The following VWA8 variants were observed in gnomAD, a reference collection of about 807,000 sequenced individuals.
The protein encoded by VWA8 is von Willebrand factor A domain containing 8.
VWA8 carries 221 observed loss-of-function variants against 241.5 expected under a neutral mutation model. That is an observed-to-expected ratio of 0.91 (90% confidence interval 0.82 to 1.02). The LOEUF is 1.02. Ranked by LOEUF, VWA8 falls within the 50% of genes least tolerant of loss-of-function variation. The pLI is 0.00. For missense variants in VWA8, 2,322 were observed against 2,328.7 expected, an observed-to-expected ratio of 1.00 and a Z score of 0.06; for synonymous variants, 852 against 827.1, an observed-to-expected ratio of 1.03 and a Z score of -0.52.
chr13:41,643,559 A>G (rs531815325), intron 37 of VWA8, among the ~76,000 whole-genome samples: 2 of 152,194 alleles, frequency 1.3e-5, no homozygotes, highest in African/African-American at 2.4e-5. Context: ...ACTTTCCACT[A>G]TTAACAGGGC....
chr13:41,654,370 CATCATGTGTCACCTAGT>C (rs772082078), intron 37 of VWA8, among the ~76,000 whole-genome samples: 6 of 152,182 alleles, frequency 3.9e-5, no homozygotes, highest in Non-Finnish European at 7.3e-5. Flanking sequence ...GACAAATTGA[CATCATGTGTCACCTAGT>C]AGAGCAGTCC....
At chr13:41,768,429 G>A (rs946609756) in intron 20 of VWA8, among the ~76,000 whole-genome samples, 4 of 152,070 alleles carry the variant, frequency 2.6e-5, no homozygotes, top group African/African-American at 9.7e-5. Flanking sequence ...TCTATCAGGA[G>A]AAAAATAGAA....
chr13:41,837,089 A>T (rs1413932541), intron 12 of VWA8, among the ~76,000 whole-genome samples: 4 of 151,554 alleles, frequency 2.6e-5, no homozygotes, highest in Middle Eastern at 3.2e-3. Context: ...AGAGATTTTT[A>T]AAAAATATTT....
intron 17 of VWA8, among the ~76,000 whole-genome samples, chr13:41,791,902 A>G (rs891838314): frequency 1.3e-5 from 2 of 151,842 alleles, no homozygotes; most frequent in Non-Finnish European, 3.0e-5. Flanking sequence ...GCAGATATCG[A>G]GAAGTGGAAT....
intron 17 of VWA8, among the ~76,000 whole-genome samples, chr13:41,806,057 A>G (rs1870192936): frequency 6.6e-6 from 1 of 151,930 alleles, no homozygotes. Context: ...CAATGGAATA[A>G]AACTAGAAAT....
intron 10 of VWA8, among the ~76,000 whole-genome samples, chr13:41,867,445 C>T (rs959385063): frequency 1.3e-5 from 2 of 152,196 alleles, no homozygotes; most frequent in Non-Finnish European, 2.9e-5. Context: ...GTCTAGAAAT[C>T]CCAGCTGTGC....
At chr13:41,732,190 G>A (rs373648622) in intron 21 of VWA8, 35 bp from the exon 22 acceptor site, 11 of 1,577,124 alleles carry the variant, frequency 7.0e-6, no homozygotes, top group South Asian at 1.1e-5. Context: ...TAGTTAGGAA[G>A]GAAATAAGCT....
At chr13:41,740,783 C>T (rs982196559) in intron 21 of VWA8, among the ~76,000 whole-genome samples, 6 of 152,268 alleles carry the variant, frequency 3.9e-5, no homozygotes, top group Middle Eastern at 3.4e-3. Flanking sequence ...AGGATGAACA[C>T]GAGGATGTGG....
chr13:41,856,146 G>T (rs527779713), intron 12 of VWA8, among the ~76,000 whole-genome samples: 1 of 152,130 alleles, frequency 6.6e-6, no homozygotes, highest in South Asian at 2.1e-4. Flanking sequence ...GACCAGCCTG[G>T]CCAATATGGT....
intron 1 of VWA8, among the ~76,000 whole-genome samples, chr13:41,956,694 A>G (rs909872008): frequency 2.0e-5 from 3 of 152,228 alleles, no homozygotes; most frequent in African/African-American, 7.2e-5. Context: ...ATTGTAGCCC[A>G]AGGATATAAT....
chr13:41,857,616 T>A (rs571366197), intron 12 of VWA8, among the ~76,000 whole-genome samples: 41 of 152,284 alleles, frequency 2.7e-4, no homozygotes, highest in Admixed American at 2.6e-3. Context: ...ATTTATTAAA[T>A]TATGGCAAAT....
In VWA8 at chr13:41,568,009, T is replaced by G. The variant is rs1265902264; in HGVS notation, c.*188A>C. 5.2e-6 allele frequency: 3 copies of G among 574,490 alleles called. No individual in the cohort carries two copies. Among genetic ancestry groups the G allele is most frequent in the Non-Finnish European group, 9.2e-6 (3 of 325,756 alleles). 35.6% of individuals were successfully genotyped at this position (574,490 alleles called of 1,614,324 possible). A position where few individuals can be genotyped will look rare whatever the true frequency, so the allele number is the denominator to read the frequency against. On this transcript the variant is annotated 3_prime_UTR_variant, in exon 45 of 45. Coordinates refer to ENST00000379310, the MANE Select transcript of VWA8 (RefSeq NM_015058.2). ...AACTCATCAGTGGAGTATCTTTCCA[T>G]GTTTAAGTCTCCTTCTGGCTGCTTC...
chr13:41,938,378 T>A (rs1361233687), intron 2 of VWA8, among the ~76,000 whole-genome samples: 3 of 152,076 alleles, frequency 2.0e-5, no homozygotes, highest in African/African-American at 7.2e-5. Flanking sequence ...CTAGGCCAGG[T>A]GCAGTGGCTC....
chr13:41,800,083 AG>A (rs779152346), intron 17 of VWA8, among the ~76,000 whole-genome samples: 7 of 152,120 alleles, frequency 4.6e-5, no homozygotes, highest in Non-Finnish European at 8.8e-5. Context: ...ACATATTTTC[AG>A]GGTTCATCCA....
At chr13:41,669,032 G>A (rs760581204) in intron 37 of VWA8, among the ~76,000 whole-genome samples, 5 of 151,912 alleles carry the variant, frequency 3.3e-5, no homozygotes, top group Non-Finnish European at 5.9e-5. Context: ...GCAGTGGCTC[G>A]ATCTCAGCTC....
chr13:41,568,111 T>C lies in VWA8; in HGVS notation c.*86A>G. Reference sequence around the variant, plus strand: ...CATCCAGTCACTGCATGGGTTCACTTCATCCATATCTTCTTTTTTTCAGAA... The same window carrying C: ...CATCCAGTCACTGCATGGGTTCACTCCATCCATATCTTCTTTTTTTCAGAA... On this transcript the variant is annotated 3_prime_UTR_variant, in exon 45 of 45. Transcript: ENST00000379310. The C allele has an allele frequency of 8.7e-7, 1 of 1,152,966 alleles. No homozygotes were observed. The highest frequency in any genetic ancestry group is 1.4e-5 in the South Asian group (1 of 73,878). 71.4% of individuals were successfully genotyped at this position (1,152,966 alleles called of 1,614,324 possible). A position where few individuals can be genotyped will look rare whatever the true frequency, so the allele number is the denominator to read the frequency against.
chr13:41,706,839 T>C (rs1052012625), intron 26 of VWA8, among the ~76,000 whole-genome samples: 1 of 152,342 alleles, frequency 6.6e-6, no homozygotes, highest in East Asian at 1.9e-4. Context: ...TTGTCACTTG[T>C]ATTGTTTAAC....
intron 2 of VWA8, among the ~76,000 whole-genome samples, chr13:41,943,967 A>G (rs1275547185): frequency 6.6e-6 from 1 of 151,776 alleles, no homozygotes; most frequent in Non-Finnish European, 1.5e-5. Context: ...TAGCTAGGCA[A>G]TGTGGCGTGA....
At chr13:41,611,797 C>T in intron 38 of VWA8, 65 bp from the exon 39 acceptor site, 1 of 1,595,164 alleles carries the variant, frequency 6.3e-7, no homozygotes, top group Non-Finnish European at 8.6e-7. Flanking sequence ...AAAGTTGGGT[C>T]ATGGTTTTAG....
Sources: gnomAD v4.1 joint callset for allele counts (sites outside exome capture counted in the v4.1 genomes callset) on GRCh38, gnomAD v4.1.1 for gene constraint, MANE v1.5 for transcripts, NCBI Gene and HGNC (gene_info 2026-07-23, HGNC 2026-07-21) for gene names.